The following RGPD3 variants were observed in gnomAD, a reference collection of about 807,000 sequenced individuals.
RGPD3 encodes ranBP2-like and GRIP domain-containing protein 3.
Under a neutral mutation model 154.5 loss-of-function variants are expected in RGPD3, and 62 were observed. The ratio of observed to expected loss-of-function variants is 0.40; its 90% CI spans 0.33 to 0.50. The LOEUF (loss-of-function observed/expected upper bound fraction) is 0.50, where lower values mean the gene tolerates loss of function less well. Ranked by LOEUF, RGPD3 falls within the 20% of genes least tolerant of loss-of-function variation. The pLI, the probability that RGPD3 is intolerant of heterozygous loss-of-function variation, is 0.59. For synonymous variants in RGPD3, 308 were observed against 607.0 expected (o/e 0.51, Z 7.24); for missense variants, 919 against 1,716.8 (o/e 0.54, Z 8.21).
Position 106,413,123 on chromosome 2 carries a change from T to A in RGPD3, c.5227A>T (p.Ser1743Cys). 1 of 1,611,332 alleles carries A rather than the reference T, an allele frequency of 6.2e-7. No individual in the cohort carries two copies. The highest frequency in any genetic ancestry group is 1.1e-5 in the South Asian group (1 of 90,750). ...LPVINTMLQL[S>C]LEEKGKLAAV... ...GCAAGTTTTCCCTTTTCTTCAAGGC[T>A]GAGCTGCAACATCGTATTTATAACA... is the stretch of plus-strand genomic sequence containing the variant. Residue 1743 changes from serine to cysteine, a missense_variant, in exon 22 of 23, where the codon AGC becomes TGC. By Grantham distance (112) the Ser-to-Cys change is moderately radical. Transcript: ENST00000409886.
At chr2:106,416,088 T>C in intron 20 of RGPD3, 99 bp from the exon 21 acceptor site, 8 of 1,539,612 alleles carry the variant, frequency 5.2e-6, no homozygotes, top group Non-Finnish European at 7.0e-6. Context: ...TACTATGTGA[T>C]ATTTTATAGC....
chr2:106,446,506 C>G (rs1167993373), intron 7 of RGPD3, among the ~76,000 whole-genome samples: 6 of 110,218 alleles, frequency 5.4e-5, no homozygotes, highest in East Asian at 3.5e-4. Flanking sequence ...GGAGGTGGAG[C>G]TTGCAGTGAG....
chr2:106,408,811 C>T lies in RGPD3; in HGVS notation c.5267-3582G>A, dbSNP rs181098264. 5.4e-3 allele frequency among the ~76,000 whole-genome samples: 825 copies of T among 151,966 alleles called. 3 individuals are homozygous for T. Among genetic ancestry groups the T allele is most frequent in the Non-Finnish European group, 8.3e-3 (567 of 67,990 alleles). ...AAAGAATCCTGCTGCCTTAGCCTCC[C>T]GAGTAGCTAGGACTATGGGCACATG... On this transcript the variant is annotated intron_variant, in intron 22 of 22. Coordinates refer to ENST00000409886, the MANE Select transcript of RGPD3 (RefSeq NM_001144013.2).
intron 21 of RGPD3, 108 bp downstream of exon 21, chr2:106,415,742 G>A (rs903366993): frequency 4.0e-5 from 53 of 1,323,990 alleles, no homozygotes; most frequent in East Asian, 7.4e-5. Flanking sequence ...AGATCAAGAC[G>A]TTATAGATGC....
At chr2:106,415,473 C>A (rs903328564) in intron 21 of RGPD3, among the ~76,000 whole-genome samples, 1 of 151,838 alleles carries the variant, frequency 6.6e-6, no homozygotes, top group Admixed American at 6.6e-5. Flanking sequence ...GTCAGGAGAT[C>A]GAGACCATCC....
At chr2:106,445,259 AGCC>A (rs1677876225) in intron 7 of RGPD3, among the ~76,000 whole-genome samples, 1 of 149,852 alleles carries the variant, frequency 6.7e-6, no homozygotes, top group South Asian at 2.1e-4. Context: ...ACTGTGCTCC[AGCC>A]TGGGCGACAG....
At chr2:106,466,360 C>A (rs1330979004) in intron 1 of RGPD3, among the ~76,000 whole-genome samples, 3 of 149,890 alleles carry the variant, frequency 2.0e-5, no homozygotes, top group African/African-American at 4.9e-5. Flanking sequence ...CCATCGAGGC[C>A]GCCGCCGGGC....
chr2:106,421,185 T>G (rs1363290836), intron 20 of RGPD3, among the ~76,000 whole-genome samples: 1 of 152,026 alleles, frequency 6.6e-6, no homozygotes, highest in Non-Finnish European at 1.5e-5. Flanking sequence ...TTGGCCTCAG[T>G]TTACTCATGT....
In RGPD3 at chr2:106,463,311, C is replaced by T. The variant is rs535042190; in HGVS notation, c.73-3979G>A. Among the ~76,000 whole-genome samples the T allele has an allele frequency of 2.6e-5, 4 of 152,312 alleles. No individual in the cohort carries two copies. The South Asian group carries it at 6.2e-4, about 24-fold the overall frequency. On this transcript the variant is annotated intron_variant, in intron 1 of 22. Coordinates refer to ENST00000409886, the MANE Select transcript of RGPD3 (RefSeq NM_001144013.2). Reference sequence around the variant, plus strand: ...CCAGTATGGTGAAATCCCATCTCTACTAAAAATAGAAAAAATTAGCCGGGC... The same window carrying T: ...CCAGTATGGTGAAATCCCATCTCTATTAAAAATAGAAAAAATTAGCCGGGC...
At chr2:106,411,149 T>C (rs1372156222) in intron 22 of RGPD3, among the ~76,000 whole-genome samples, 2 of 147,560 alleles carry the variant, frequency 1.4e-5, no homozygotes. Flanking sequence ...ATTGGAATTT[T>C]AGTAAGTATA....
chr2:106,407,254 A>G (rs1256906726), intron 22 of RGPD3, among the ~76,000 whole-genome samples: 1 of 152,068 alleles, frequency 6.6e-6, no homozygotes, highest in East Asian at 1.9e-4. Flanking sequence ...TCCGCTAGCA[A>G]GATAGAAGCC....
At chr2:106,466,879 G>A (rs1158620147) in intron 1 of RGPD3, among the ~76,000 whole-genome samples, 1 of 86,272 alleles carries the variant, frequency 1.2e-5, no homozygotes, top group African/African-American at 4.0e-5. Flanking sequence ...CATCGAGGCC[G>A]CCGCCGGGCC....
intron 20 of RGPD3, among the ~76,000 whole-genome samples, chr2:106,420,697 C>T (rs1203343189): frequency 1.3e-5 from 2 of 152,264 alleles, no homozygotes; most frequent in Non-Finnish European, 2.9e-5. Flanking sequence ...TCAAATCTAT[C>T]GATAAAGTTA....
intron 1 of RGPD3, among the ~76,000 whole-genome samples, chr2:106,463,299 A>G (rs1678458611): frequency 6.6e-6 from 1 of 152,152 alleles, no homozygotes; most frequent in Admixed American, 6.6e-5. Flanking sequence ...GTATGGTGAA[A>G]TCCCATCTCT....
chr2:106,434,128 T>C (rs1677462282), intron 15 of RGPD3, 100 bp downstream of exon 15: 1 of 1,594,742 alleles, frequency 6.3e-7, no homozygotes, highest in African/African-American at 1.3e-5. Context: ...AACAACATAT[T>C]ACTGAGTATT....
At position 106,423,918 on chromosome 2, in the gene RGPD3, C is replaced by T. The variant is rs1677090266; in HGVS notation, c.4049G>A (p.Gly1350Asp). ...AAAAACAACTTGTTCATTTTCCTCA[C>T]CACTGGATACTTCAACTAGATCAGG... ...PLPDLVEVSS[G>D]EENEQVVFSH... Residue 1350 changes from glycine to aspartate, a missense_variant, in exon 20 of 23, where the codon GGT (glycine) becomes GAT (aspartate). Transcript: ENST00000409886. 6.2e-7 allele frequency: 1 copy of T among 1,611,848 alleles called. No individual in the cohort carries two copies.
At chr2:106,410,009 G>A (rs1676623870) in intron 22 of RGPD3, among the ~76,000 whole-genome samples, 1 of 151,120 alleles carries the variant, frequency 6.6e-6, no homozygotes, top group African/African-American at 2.4e-5. Context: ...CCAAGTAGCT[G>A]GGATTACAGG....
chr2:106,458,363 A>C (rs1395181624), intron 2 of RGPD3, among the ~76,000 whole-genome samples: 5 of 150,800 alleles, frequency 3.3e-5, no homozygotes, highest in African/African-American at 1.2e-4. Flanking sequence ...TGCTAGTTAC[A>C]TAATTTATGT....
At chr2:106,451,093 A>AAAC (rs1553462313) in intron 6 of RGPD3, among the ~76,000 whole-genome samples, 1 of 144,434 alleles carries the variant, frequency 6.9e-6, no homozygotes, top group Non-Finnish European at 1.5e-5. Context: ...CTCTCAAAAA[A>AAAC]AAAAAAACAA....
Sources: gnomAD v4.1 joint callset for allele counts (sites outside exome capture counted in the v4.1 genomes callset) on GRCh38, gnomAD v4.1.1 for gene constraint, MANE v1.5 for transcripts, NCBI Gene and HGNC (gene_info 2026-07-23, HGNC 2026-07-21) for gene names.